The following ZNF761 variants were observed in gnomAD, a reference collection of about 807,000 sequenced individuals.
The protein encoded by ZNF761 is zinc finger protein 761.
ZNF761 carries 43 observed loss-of-function variants against 59.9 expected under a neutral mutation model. The ratio of observed to expected loss-of-function variants is 0.72; its 90% CI spans 0.56 to 0.92. The LOEUF (loss-of-function observed/expected upper bound fraction) is 0.92, where lower values mean the gene tolerates loss of function less well. ZNF761 is among the 40% of genes least tolerant of loss of function. ZNF761 has a pLI of 0.00. For synonymous variants in ZNF761, 294 were observed against 304.8 expected, an observed-to-expected ratio of 0.96 and a Z score of 0.37; for missense variants, 850 against 906.1, an observed-to-expected ratio of 0.94 and a Z score of 0.79.
At position 53,452,924 on chromosome 19, in the gene ZNF761, A is replaced by AT. The variant is rs560156798; in HGVS notation, c.143-1720dup. Among the ~76,000 whole-genome samples the AT allele has an allele frequency of 3.6e-3, 542 of 152,246 alleles. 1 individual carries two copies. The highest frequency in any genetic ancestry group is 5.9e-3 in the Non-Finnish European group (400 of 68,022). ...ATTCAGACCAGGTAGCCTGCATCAT[A>AT]TTTTTTATGTTTTTATTGTGCAATT... On this transcript the variant is annotated intron_variant, in intron 4 of 4. Transcript: ENST00000684525.
chr19:53,444,898 T>A (rs1454433419), intron 1 of ZNF761: 1 of 152,124 alleles, frequency 6.6e-6, no homozygotes, highest in East Asian at 1.9e-4. Flanking sequence ...TTATATTATG[T>A]CAGACTAGCA....
chr19:53,442,247 G>C (rs1228214724), intron 1 of ZNF761: 1 of 1,270,554 alleles, frequency 7.9e-7, no homozygotes, highest in Admixed American at 1.7e-5. Context: ...ATGAAGAGGT[G>C]GCTCGTAAGT....
At chr19:53,433,872 C>CT (rs138764133) in intron 1 of ZNF761, among the ~76,000 whole-genome samples, 4,767 of 152,226 alleles carry the variant, frequency 0.031, 256 homozygotes, top group African/African-American at 0.11. Context: ...TCTATTTTGT[C>CT]TAAGTCCGGA....
At chr19:53,440,780 A>C (rs2086091051) in intron 1 of ZNF761, among the ~76,000 whole-genome samples, 3 of 152,068 alleles carry the variant, frequency 2.0e-5, no homozygotes. Flanking sequence ...GGCTCAAACC[A>C]TCCTCCTACC....
At position 53,447,588 on chromosome 19, in the gene ZNF761, A is replaced by G. The variant is rs532111784; in HGVS notation, c.15+305A>G. On this transcript the variant is annotated intron_variant, in intron 3 of 4. Transcript: ENST00000684525. Reference sequence around the variant, plus strand: ...GGACAGCAGGGATTGTTCAGGGGCCACATCTGGACGTACTGTCAGCTCTCT... The same window carrying G: ...GGACAGCAGGGATTGTTCAGGGGCCGCATCTGGACGTACTGTCAGCTCTCT... 1.6e-4 allele frequency among the ~76,000 whole-genome samples: 24 copies of G among 152,278 alleles called. 1 individual carries two copies. The East Asian group carries it at 4.4e-3, about 28-fold the overall frequency.
Position 53,457,230 on chromosome 19 carries a change from G to T in ZNF761, c.*482G>T. On this transcript the variant is annotated 3_prime_UTR_variant, in exon 5 of 5. Transcript: ENST00000684525. Reference sequence around the variant, plus strand: ...GAATCACTGGAGAATCCATAAGGAAGAGAGATCATACTAGGGTAATAAATG... The same window carrying T: ...GAATCACTGGAGAATCCATAAGGAATAGAGATCATACTAGGGTAATAAATG... The T allele has an allele frequency of 2.1e-6, 1 of 476,066 alleles. No individual in the cohort carries two copies. The allele number at this position is 476,066 out of a possible 1,614,324, so 29.5% of individuals were successfully genotyped here. A position where few individuals can be genotyped will look rare whatever the true frequency, so the allele number is the denominator to read the frequency against.
In ZNF761 at chr19:53,454,683, T is replaced by C. The variant is rs201558114; in HGVS notation, c.176T>C (p.Leu59Ser). Residue 59 changes from leucine to serine, a missense_variant, in exon 5 of 5, where the codon TTG becomes TCG. Coordinates refer to ENST00000684525, the MANE Select transcript of ZNF761 (RefSeq NM_001289951.2). Reference protein sequence around the residue: ...ISSKCTMKEFLSTAQGNREVF... With the variant: ...ISSKCTMKEFSSTAQGNREVF... ...TCCAAATGCACGATGAAGGAGTTCT[T>C]GTCAACAGCGCAAGGCAACAGAGAA... 11 of 1,605,790 alleles carry C rather than the reference T, an allele frequency of 6.9e-6. No individual in the cohort carries two copies. In the African/African-American group the frequency reaches 8.0e-5, roughly 12 times the overall value.
chr19:53,449,039 A>G (rs1332489456), intron 3 of ZNF761, among the ~76,000 whole-genome samples: 2 of 152,176 alleles, frequency 1.3e-5, no homozygotes, highest in African/African-American at 4.8e-5. Context: ...CTGTGTCAAT[A>G]AAAGTTTCTG....
At chr19:53,451,090 T>C (rs986215676) in intron 4 of ZNF761, among the ~76,000 whole-genome samples, 2 of 152,210 alleles carry the variant, frequency 1.3e-5, no homozygotes, top group Non-Finnish European at 2.9e-5. Context: ...TGCACTTTCA[T>C]CAACCTATAT....
rs1402074089 is a variant in ZNF761 at position 53,456,986 on chromosome 19, T to G, written c.*238T>G. 1.4e-6 allele frequency: 1 copy of G among 707,074 alleles called. No homozygotes were observed. Among genetic ancestry groups the G allele is most frequent in the East Asian group, 2.8e-5 (1 of 36,202 alleles). 43.8% of individuals were successfully genotyped at this position (707,074 alleles called of 1,614,324 possible). A position where few individuals can be genotyped will look rare whatever the true frequency, so the allele number is the denominator to read the frequency against. On this transcript the variant is annotated 3_prime_UTR_variant, in exon 5 of 5. Coordinates refer to ENST00000684525, the MANE Select transcript of ZNF761 (RefSeq NM_001289951.2). ...GAGAATTCATACTGGAGAGAAACCA[T>G]AAAAATGTAAGAGTTTGTGACAAGG...
chr19:53,439,170 C>A (rs2086072791), intron 1 of ZNF761, among the ~76,000 whole-genome samples: 1 of 148,750 alleles, frequency 6.7e-6, no homozygotes, highest in Admixed American at 6.8e-5. Flanking sequence ...ACCCAGGAGG[C>A]AAAGGCAGGA....
chr19:53,449,607 G>A lies in ZNF761; in HGVS notation c.111G>A (p.Met37Ile). 1 of 1,611,104 alleles carries A rather than the reference G, an allele frequency of 6.2e-7. No individual in the cohort carries two copies. The highest frequency in any genetic ancestry group is 8.5e-7 in the Non-Finnish European group (1 of 1,178,592). ...PAQRTLYRDV[M>I]LENYRNLVSL... ...AGAGGACTCTATACAGGGACGTGATGCTGGAGAATTATAGGAACCTGGTCT... is the reference window on the plus strand; with the variant it reads ...AGAGGACTCTATACAGGGACGTGATACTGGAGAATTATAGGAACCTGGTCT... The change falls in exon 4 of 5, where the codon ATG (methionine) becomes ATA (isoleucine). Residue 37 changes from methionine to isoleucine, a missense_variant. Met to Ile is a conservative substitution (Grantham distance 10). Coordinates refer to ENST00000684525, the MANE Select transcript of ZNF761 (RefSeq NM_001289951.2).
chr19:53,452,938 T>C (rs979886285), intron 4 of ZNF761, among the ~76,000 whole-genome samples: 1 of 152,214 alleles, frequency 6.6e-6, no homozygotes, highest in Non-Finnish European at 1.5e-5. Context: ...TTTATGTTTT[T>C]ATTGTGCAAT....
Position 53,447,180 on chromosome 19 carries a change from T to C in ZNF761, c.-73-16T>C, listed in dbSNP as rs138531253. 1.6e-3 allele frequency: 2,384 copies of C among 1,532,146 alleles called. 33 individuals carry two copies. In the African/African-American group the frequency reaches 0.026, roughly 17 times the overall value. The allele number at this position is 1,532,146 out of a possible 1,614,324, so 94.9% of individuals were successfully genotyped here. A position where few individuals can be genotyped will look rare whatever the true frequency, so the allele number is the denominator to read the frequency against. On this transcript the variant is annotated splice_polypyrimidine_tract_variant and intron_variant, in intron 2 of 4. Transcript: ENST00000684525. The stretch of plus-strand genomic sequence containing the variant: ...TGTTGATTCTGAGCAATAAACAACA[T>C]ATTTCTAACATTCAGGATTGACTTC...
intron 3 of ZNF761, among the ~76,000 whole-genome samples, 189 bp from the exon 4 acceptor site, chr19:53,449,323 C>T (rs960752290): frequency 3.3e-5 from 5 of 151,004 alleles, no homozygotes; most frequent in Admixed American, 3.3e-4. Flanking sequence ...GACTGAGACT[C>T]CACCTCAAAA....
In ZNF761 at chr19:53,455,841, A is replaced by G. The variant is rs1288283722; in HGVS notation, c.1334A>G (p.Lys445Arg). ...GCTTACAAGTGTAATGAGTGTGGAAAGACCTTTAGCCGGACATCATCCCTT... is the reference window on the plus strand; with the variant it reads ...GCTTACAAGTGTAATGAGTGTGGAAGGACCTTTAGCCGGACATCATCCCTT... ...DNAYKCNECG[K>R]TFSRTSSLTC... Residue 445 changes from lysine (K) to arginine (R), a missense_variant, in exon 5 of 5, where the codon AAG becomes AGG. Lys to Arg is a conservative substitution (Grantham distance 26). Transcript: ENST00000684525. The G allele has an allele frequency of 3.1e-6, 5 of 1,613,802 alleles. No homozygotes were observed. The highest frequency in any genetic ancestry group is 4.2e-6 in the Non-Finnish European group (5 of 1,179,972).
At chr19:53,441,883 C>G in intron 1 of ZNF761, 2 of 1,575,622 alleles carry the variant, frequency 1.3e-6, no homozygotes, top group Non-Finnish European at 1.7e-6. Flanking sequence ...TCACCACCAT[C>G]GAGGCAGTGA....
chr19:53,441,813 C>T lies in ZNF761; in HGVS notation c.-184-4414C>T, dbSNP rs1239359283. The T allele has an allele frequency of 2.1e-5, 27 of 1,310,400 alleles. 1 individual carries two copies. The highest frequency in any genetic ancestry group is 5.1e-4 in the Middle Eastern group (2 of 3,884). The allele number at this position is 1,310,400 out of a possible 1,614,324, so 81.2% of individuals were successfully genotyped here. ...AATCACAGAGAGGAGTCTGCAATGCCGAGTGGAGGAAGGAGGAACCGGAGT... is the reference window on the plus strand; with the variant it reads ...AATCACAGAGAGGAGTCTGCAATGCTGAGTGGAGGAAGGAGGAACCGGAGT... On this transcript the variant is annotated intron_variant, in intron 1 of 4. Transcript: ENST00000684525.
Position 53,454,748 on chromosome 19 carries a change from C to T in ZNF761, c.241C>T (p.His81Tyr). Reference sequence around the variant, plus strand: ...GACATTGCAAATACATGAAAGTCATCACAATGGAGATTTTTGCTACCAGGA... The same window carrying T: ...GACATTGCAAATACATGAAAGTCATTACAATGGAGATTTTTGCTACCAGGA... ...AGTLQIHESHHNGDFCYQDVD... is the reference protein window; with the variant it reads ...AGTLQIHESHYNGDFCYQDVD... Residue 81 changes from histidine to tyrosine, a missense_variant, in exon 5 of 5, where the codon CAC becomes TAC. His to Tyr is a moderately conservative substitution (Grantham distance 83). Coordinates refer to ENST00000684525, the MANE Select transcript of ZNF761 (RefSeq NM_001289951.2). 6 of 1,614,064 alleles carry T rather than the reference C, an allele frequency of 3.7e-6. No homozygotes were observed. The highest frequency in any genetic ancestry group is 5.1e-6 in the Non-Finnish European group (6 of 1,180,010).
Sources: allele counts gnomAD v4.1 joint callset (sites outside exome capture counted in the v4.1 genomes callset), GRCh38; gene constraint gnomAD v4.1.1; transcripts MANE v1.5; gene names NCBI Gene and HGNC (gene_info 2026-07-23, HGNC 2026-07-21).